The following SGCZ variants were observed in gnomAD, a reference collection of about 807,000 sequenced individuals.
The protein encoded by SGCZ is sarcoglycan zeta, also known as zeta-sarcoglycan.
A neutral mutation model predicts 41.3 loss-of-function variants in SGCZ; 40 were observed. The ratio of observed to expected loss-of-function variants is 0.97; its 90% CI spans 0.75 to 1.26. The LOEUF (loss-of-function observed/expected upper bound fraction) is 1.26. Among genes scored for constraint, SGCZ ranks in the 50% most tolerant of loss-of-function variants. The probability of loss-of-function intolerance (pLI) is 0.00; values close to 1 mark genes in which losing one functional copy is unlikely to be tolerated. For missense variants in SGCZ, 552 were observed against 369.8 expected, an observed-to-expected ratio of 1.49 and a Z score of -4.04; for synonymous variants, 206 against 137.5, an observed-to-expected ratio of 1.50 and a Z score of -3.49.
intron 3 of SGCZ, among the ~76,000 whole-genome samples, chr8:14,271,165 T>C (rs909383375): frequency 5.3e-5 from 8 of 152,140 alleles, no homozygotes; most frequent in African/African-American, 1.9e-4. Flanking sequence ...ACCTGCACGT[T>C]GTGCACATGT....
intron 1 of SGCZ, among the ~76,000 whole-genome samples, chr8:14,652,355 T>A (rs201072658): frequency 1.1e-3 from 13 of 11,470 alleles, no homozygotes; most frequent in Admixed American, 2.6e-3. Flanking sequence ...AAGGGGGGGG[T>A]GTGGGGGGGA....
chr8:15,234,325 C>CAATATT (rs1802053770), intron 1 of SGCZ, among the ~76,000 whole-genome samples: 5 of 152,100 alleles, frequency 3.3e-5, no homozygotes, highest in African/African-American at 1.2e-4. Flanking sequence ...TCATTAACAC[C>CAATATT]CACATTTCCA....
intron 1 of SGCZ, among the ~76,000 whole-genome samples, chr8:14,557,673 G>A (rs967351894): frequency 5.9e-5 from 9 of 151,948 alleles, no homozygotes; most frequent in African/African-American, 2.2e-4. Context: ...ACCATTTGTT[G>A]AATAGGGTGT....
In SGCZ at chr8:14,085,297, G is replaced by A. The variant is rs1270538485; in HGVS notation, c.*5146C>T. Among the ~76,000 whole-genome samples the A allele has an allele frequency of 1.3e-5, 2 of 151,452 alleles. No homozygotes were observed. Among genetic ancestry groups the A allele is most frequent in the Non-Finnish European group, 3.0e-5 (2 of 67,734 alleles). On this transcript the variant is annotated 3_prime_UTR_variant, in exon 8 of 8. Coordinates refer to ENST00000382080, the MANE Select transcript of SGCZ (RefSeq NM_139167.4). ...TATACAAGAAAACATTTACATGAAA[G>A]TACAAAACAAAATAAATGAATAGTG...
intron 1 of SGCZ, among the ~76,000 whole-genome samples, chr8:14,640,030 A>G (rs1806970974): frequency 6.6e-6 from 1 of 151,730 alleles, no homozygotes; most frequent in Admixed American, 6.6e-5. Context: ...GTATTTATGC[A>G]TTAGCTTTAA....
chr8:14,505,507 A>G (rs1011953018), intron 2 of SGCZ, among the ~76,000 whole-genome samples: 1 of 152,210 alleles, frequency 6.6e-6, no homozygotes, highest in Non-Finnish European at 1.5e-5. Flanking sequence ...GATAAGAGCA[A>G]AACATATATT....
At chr8:14,946,421 C>T (rs539672140) in intron 1 of SGCZ, among the ~76,000 whole-genome samples, 21 of 152,090 alleles carry the variant, frequency 1.4e-4, no homozygotes, top group South Asian at 8.3e-4. Context: ...GCCCTGTAGC[C>T]AATAGCAGCA....
At chr8:14,318,297 T>C (rs73209866) in intron 3 of SGCZ, among the ~76,000 whole-genome samples, 15,541 of 151,918 alleles carry the variant, frequency 0.1, 1,041 homozygotes, top group Non-Finnish European at 0.15. Flanking sequence ...CCTAATACTA[T>C]ACATCAAACT....
intron 4 of SGCZ, among the ~76,000 whole-genome samples, chr8:14,186,425 T>C (rs949227669): frequency 6.6e-6 from 1 of 152,188 alleles, no homozygotes; most frequent in Non-Finnish European, 1.5e-5. Flanking sequence ...TCTTCATCTA[T>C]GTCACAGTAT....
chr8:14,883,649 C>G (rs1001947991), intron 1 of SGCZ, among the ~76,000 whole-genome samples: 7 of 151,958 alleles, frequency 4.6e-5, no homozygotes, highest in Middle Eastern at 3.2e-3. Context: ...GTTTCATAGC[C>G]TTGTGTCTCC....
chr8:14,648,878 G>T (rs1430254851), intron 1 of SGCZ, among the ~76,000 whole-genome samples: 1 of 152,012 alleles, frequency 6.6e-6, no homozygotes, highest in Non-Finnish European at 1.5e-5. Flanking sequence ...TTTACTGCTG[G>T]CATATATTCT....
rs571111112 is a variant in SGCZ at position 15,227,360 on chromosome 8, T to C, written c.39+10225A>G. Among the ~76,000 whole-genome samples, 11 of 152,300 alleles carry C rather than the reference T, an allele frequency of 7.2e-5. No individual in the cohort carries two copies. In the South Asian group the frequency reaches 2.1e-3, roughly 29 times the overall value. On this transcript the variant is annotated intron_variant, in intron 1 of 7. Coordinates refer to ENST00000382080, the MANE Select transcript of SGCZ (RefSeq NM_139167.4). ...TAAATATTCATATAATGCATATACA[T>C]AGAAAATATTTTGAAAGTTAAATTC...
Position 14,156,878 on chromosome 8 carries a change from C to T in SGCZ, c.547+7702G>A, listed in dbSNP as rs548394592. 1.4e-4 allele frequency among the ~76,000 whole-genome samples: 22 copies of T among 152,242 alleles called. 2 individuals carry two copies. In the South Asian group the frequency reaches 4.4e-3, roughly 30 times the overall value. On this transcript the variant is annotated intron_variant, in intron 5 of 7. Coordinates refer to ENST00000382080, the MANE Select transcript of SGCZ (RefSeq NM_139167.4). ...GCTGTCATCCCCTATGATAAAAATG[C>T]GTTCTTCTGAAATACCTCCTGAAGG... is the stretch of plus-strand genomic sequence containing the variant.
chr8:14,116,939 G>A (rs1282702308), intron 5 of SGCZ, among the ~76,000 whole-genome samples: 1 of 152,170 alleles, frequency 6.6e-6, no homozygotes, highest in East Asian at 1.9e-4. Context: ...ATTTCAAGCA[G>A]AGTAAGCCAT....
intron 1 of SGCZ, among the ~76,000 whole-genome samples, chr8:14,637,537 G>A (rs1250471208): frequency 6.6e-6 from 1 of 151,508 alleles, no homozygotes; most frequent in Non-Finnish European, 1.5e-5. Flanking sequence ...CGTGCTCAGT[G>A]TTTAGCTCCC....
chr8:14,133,413 A>C (rs981603817), intron 5 of SGCZ, among the ~76,000 whole-genome samples: 1 of 152,170 alleles, frequency 6.6e-6, no homozygotes, highest in African/African-American at 2.4e-5. Flanking sequence ...TTATGGCTAG[A>C]GTTCTGAGAC....
intron 1 of SGCZ, among the ~76,000 whole-genome samples, chr8:15,032,017 G>T (rs1349203622): frequency 6.7e-6 from 1 of 150,250 alleles, no homozygotes; most frequent in East Asian, 2.0e-4. Context: ...AAAAAGTATG[G>T]TTTAGGAGTT....
At chr8:14,097,845 C>T (rs1001831656) in intron 7 of SGCZ, among the ~76,000 whole-genome samples, 1 of 151,956 alleles carries the variant, frequency 6.6e-6, no homozygotes, top group Admixed American at 6.6e-5. Context: ...TTATGTAATG[C>T]CCTTCTTTGT....
At chr8:15,073,255 C>A (rs191418801) in intron 1 of SGCZ, among the ~76,000 whole-genome samples, 1 of 152,232 alleles carries the variant, frequency 6.6e-6, no homozygotes, top group Admixed American at 6.5e-5. Flanking sequence ...ATAATCATAT[C>A]TTCACAACTG....
Sources: gnomAD v4.1 joint callset for allele counts (sites outside exome capture counted in the v4.1 genomes callset) on GRCh38, gnomAD v4.1.1 for gene constraint, MANE v1.5 for transcripts, NCBI Gene and HGNC (gene_info 2026-07-23, HGNC 2026-07-21) for gene names.